HIP1: variants seen among roughly 807,000 people sequenced by gnomAD.
The protein encoded by HIP1 is huntingtin-interacting protein 1.
In HIP1, 65 loss-of-function variants were observed where a neutral mutation model predicts 147.6. That is an observed-to-expected ratio of 0.44 (90% CI 0.36 to 0.54). The LOEUF is 0.54. Ranked by LOEUF, HIP1 falls within the 20% of genes least tolerant of loss-of-function variation. The pLI is 0.00. For missense variants in HIP1, 1,061 were observed against 1,299.6 expected, an observed-to-expected ratio of 0.82 and a Z score of 2.82; for synonymous variants, 479 against 504.0, an observed-to-expected ratio of 0.95 and a Z score of 0.67.
Position 75,675,465 on chromosome 7 carries a change from G to A in HIP1, c.120+63336C>T, listed in dbSNP as rs531076723. Among the ~76,000 whole-genome samples, 3 of 152,276 alleles carry A rather than the reference G, an allele frequency of 2.0e-5. No individual in the cohort carries two copies. In the East Asian group the frequency reaches 5.8e-4, roughly 29 times the overall value. The stretch of plus-strand genomic sequence containing the variant: ...TTTGGCCTCACCTTGGCCTCTCAAA[G>A]TGCTGGGATCCCAGGCATGAGCCAC... On this transcript the variant is annotated intron_variant, in intron 1 of 30. Coordinates refer to ENST00000336926, the MANE Select transcript of HIP1 (RefSeq NM_005338.7).
chr7:75,728,945 G>T (rs1479359911), intron 1 of HIP1, among the ~76,000 whole-genome samples: 8 of 148,722 alleles, frequency 5.4e-5, no homozygotes, highest in African/African-American at 2.0e-4. Context: ...ATGGTGGGGG[G>T]AAGTGGGGTG....
chr7:75,673,023 CTT>C (rs35559075), intron 1 of HIP1, among the ~76,000 whole-genome samples: 9 of 143,780 alleles, frequency 6.3e-5, no homozygotes, highest in Non-Finnish European at 7.6e-5. Flanking sequence ...AGTCCACCAA[CTT>C]TTTTTTTTTT....
chr7:75,614,052 C>T (rs782575305), intron 1 of HIP1, among the ~76,000 whole-genome samples: 13 of 152,156 alleles, frequency 8.5e-5, no homozygotes, highest in South Asian at 4.1e-4. Flanking sequence ...ATAGCTGAGA[C>T]GACAGGTGTA....
intron 4 of HIP1, 126 bp downstream of exon 4, chr7:75,591,930 C>T (rs1023054116): frequency 9.9e-6 from 8 of 809,378 alleles, no homozygotes; most frequent in Middle Eastern, 2.3e-4. Context: ...CCGTCTCTGG[C>T]ACCCATGGGA....
At chr7:75,596,235 C>CAAAAAAA (rs10658504) in intron 2 of HIP1, among the ~76,000 whole-genome samples, 1 of 59,592 alleles carries the variant, frequency 1.7e-5, no homozygotes, top group Non-Finnish European at 3.1e-5. Flanking sequence ...GACCCTGCCT[C>CAAAAAAA]AAAAAAAAAA....
rs140875602 is a variant in HIP1 at position 75,571,989 on chromosome 7, C to T, written c.745+1772G>A. On this transcript the variant is annotated intron_variant, in intron 8 of 30. Transcript: ENST00000336926. The stretch of plus-strand genomic sequence containing the variant: ...CTTTAGGAGGCTGAGGTGGGCGGAT[C>T]ACTTGAGGCCAGGAGTTCGAGACCA... Among the ~76,000 whole-genome samples, 542 of 152,174 alleles carry T rather than the reference C, an allele frequency of 3.6e-3. 19 individuals are homozygous for T. The East Asian group carries it at 0.07, about 20-fold the overall frequency.
chr7:75,573,982 C>T (rs1795742858), intron 7 of HIP1, 81 bp from the exon 8 acceptor site: 1 of 1,228,128 alleles, frequency 8.1e-7, no homozygotes, highest in Admixed American at 2.0e-5. Flanking sequence ...AGGCAGGGGT[C>T]CAACATACAC....
chr7:75,706,191 G>A (rs143230167), intron 1 of HIP1, among the ~76,000 whole-genome samples: 208 of 152,186 alleles, frequency 1.4e-3, no homozygotes, highest in African/African-American at 4.9e-3. Context: ...CACCATGCCC[G>A]GGTTACTTTT....
chr7:75,696,347 C>T (rs1210240691), intron 1 of HIP1, among the ~76,000 whole-genome samples: 2 of 152,024 alleles, frequency 1.3e-5, no homozygotes, highest in African/African-American at 4.8e-5. Flanking sequence ...AATGATCCCT[C>T]TCTCATTTTC....
intron 1 of HIP1, among the ~76,000 whole-genome samples, chr7:75,639,590 TGTGCGCCCGC>T (rs1269164787): frequency 2.0e-5 from 3 of 150,012 alleles, no homozygotes; most frequent in Non-Finnish European, 1.5e-5. Context: ...TGTGTGTGTG[TGTGCGCCCGC>T]GTGTGTGTGC....
Position 75,559,906 on chromosome 7 carries a change from C to A in HIP1, c.1201G>T (p.Val401Phe), listed in dbSNP as rs2116833732. 6.2e-7 allele frequency: 1 copy of A among 1,602,322 alleles called. No individual in the cohort carries two copies. Among genetic ancestry groups the A allele is most frequent in the Non-Finnish European group, 8.5e-7 (1 of 1,175,888 alleles). ...LENMKTESQR[V>F]VLQLKGHVSE... The stretch of plus-strand genomic sequence containing the variant: ...ACGTGGCCCTTCAGCTGCAGCACAA[C>A]CCGCTGGCTCTGTGGGGGGACTCCG... The change falls in exon 14 of 31, where the codon GTT becomes TTT. Residue 401 changes from valine to phenylalanine, a missense_variant. By Grantham distance (50) the Val-to-Phe change is conservative. Around this residue, in one of 3 missense-constraint regions of HIP1, gnomAD observed 810 missense variants for 946.8 expected, o/e 0.86. Coordinates refer to ENST00000336926, the MANE Select transcript of HIP1 (RefSeq NM_005338.7).
chr7:75,678,794 C>A (rs1330845673), intron 1 of HIP1, among the ~76,000 whole-genome samples: 3 of 152,152 alleles, frequency 2.0e-5, no homozygotes, highest in African/African-American at 7.2e-5. Flanking sequence ...CAGGGACCCC[C>A]TCCTAGGGGC....
intron 1 of HIP1, among the ~76,000 whole-genome samples, chr7:75,685,770 A>G (rs1800240893): frequency 6.6e-6 from 1 of 151,954 alleles, no homozygotes; most frequent in African/African-American, 2.4e-5. Flanking sequence ...GCTGGTTTTG[A>G]ACTCCTGACC....
In HIP1 at chr7:75,631,096, G is replaced by C. The variant is rs190650079; in HGVS notation, c.121-31849C>G. 2.9e-4 allele frequency among the ~76,000 whole-genome samples: 44 copies of C among 152,106 alleles called. No individual in the cohort carries two copies. The East Asian group carries it at 7.3e-3, about 25-fold the overall frequency. The stretch of plus-strand genomic sequence containing the variant: ...AGCTGGGAGGATCCCTAGTAGCTGA[G>C]ACCACAGGCTCATGCGACCAAACCC... On this transcript the variant is annotated intron_variant, in intron 1 of 30. Coordinates refer to ENST00000336926, the MANE Select transcript of HIP1 (RefSeq NM_005338.7).
chr7:75,595,279 CCTTCCTTT>C (rs1263291886), intron 2 of HIP1, among the ~76,000 whole-genome samples: 1,700 of 64,524 alleles, frequency 0.026, 63 homozygotes, highest in Middle Eastern at 0.046. Context: ...TTCCTTCCTT[CCTTCCTTT>C]CTTTCTTTCT....
At chr7:75,557,249 G>T (rs1270123556) in intron 16 of HIP1, among the ~76,000 whole-genome samples, 1 of 151,736 alleles carries the variant, frequency 6.6e-6, no homozygotes, top group East Asian at 1.9e-4. Flanking sequence ...ATATTGGCCA[G>T]GCTGGTCTCG....
At chr7:75,645,154 G>A (rs1233638661) in intron 1 of HIP1, among the ~76,000 whole-genome samples, 1 of 152,100 alleles carries the variant, frequency 6.6e-6, no homozygotes, top group African/African-American at 2.4e-5. Context: ...CACGTTCTTA[G>A]CATAGTACCA....
At chr7:75,692,769 A>G (rs1554518298) in intron 1 of HIP1, among the ~76,000 whole-genome samples, 1 of 152,022 alleles carries the variant, frequency 6.6e-6, no homozygotes, top group African/African-American at 2.4e-5. Context: ...ACTTTCTATC[A>G]TGACAGATAC....
In HIP1 at chr7:75,549,059, G is replaced by C. The variant is rs1794680496; in HGVS notation, c.2296-58C>G. The C allele has an allele frequency of 7.3e-6, 9 of 1,229,978 alleles. No homozygotes were observed. In the Admixed American group the frequency reaches 1.5e-4, roughly 21 times the overall value. The allele number at this position is 1,229,978 out of a possible 1,614,324, so 76.2% of individuals were successfully genotyped here. A position where few individuals can be genotyped will look rare whatever the true frequency, so the allele number is the denominator to read the frequency against. On this transcript the variant is annotated intron_variant, in intron 22 of 30. Transcript: ENST00000336926. ...TGGGGCCTCCTGTCTCTTCTCCTCTGCCATCTGTAACCCTTACAAGATGGC... is the reference window on the plus strand; with the variant it reads ...TGGGGCCTCCTGTCTCTTCTCCTCTCCCATCTGTAACCCTTACAAGATGGC...
Sources: gnomAD v4.1 joint callset for allele counts (sites outside exome capture counted in the v4.1 genomes callset) on GRCh38, gnomAD v4.1.1 for gene constraint, gnomAD v4.1.1 regional missense constraint, MANE v1.5 for transcripts, NCBI Gene and HGNC (gene_info 2026-07-23, HGNC 2026-07-21) for gene names.